Variants in CCDC57 observed in about 807,000 individuals in gnomAD.
The protein encoded by CCDC57 is coiled-coil domain containing 57, also known as coiled-coil domain-containing protein 57.
A neutral mutation model predicts 118.9 loss-of-function variants in CCDC57; 118 were observed. That is an observed-to-expected ratio of 0.99 (90% CI 0.86 to 1.16). The LOEUF is 1.16. CCDC57 is among the 50% of genes most tolerant of loss of function. The pLI, the probability that CCDC57 is intolerant of heterozygous loss-of-function variation, is 0.00. For missense variants in CCDC57, 1,300 were observed against 1,320.7 expected, an observed-to-expected ratio of 0.98 and a Z score of 0.24; for synonymous variants, 527 against 532.9, an observed-to-expected ratio of 0.99 and a Z score of 0.15.
At chr17:82,128,586 A>C (rs1598745997) in exon 18 of CCDC57, 1 of 1,563,398 alleles carries the variant, frequency 6.4e-7, no homozygotes, top group Non-Finnish European at 8.7e-7. Context: ...CATCCTCGGC[A>C]CTCTTGGCGT....
intron 7 of CCDC57, 30 bp downstream of exon 6, chr17:82,193,726 C>T: frequency 6.4e-7 from 1 of 1,564,640 alleles, no homozygotes; most frequent in Non-Finnish European, 8.7e-7. Flanking sequence ...CACTGACATG[C>T]TGCATGATGT....
chr17:82,171,437 C>T (rs1406296227), intron 13 of CCDC57, among the ~76,000 whole-genome samples: 1 of 144,878 alleles, frequency 6.9e-6, no homozygotes, highest in Non-Finnish European at 1.5e-5. Context: ...ACAGGGAACG[C>T]TGACTGCAGT....
intron 19 of CCDC57, among the ~76,000 whole-genome samples, chr17:82,103,070 A>C (rs1026391738): frequency 6.6e-6 from 1 of 152,106 alleles, no homozygotes; most frequent in African/African-American, 2.4e-5. Context: ...GCTGGAGCCC[A>C]GCCTGTGTGG....
chr17:82,199,784 A>T (rs2048777565), intron 3 of CCDC57, among the ~76,000 whole-genome samples: 1 of 152,012 alleles, frequency 6.6e-6, no homozygotes, highest in Admixed American at 6.5e-5. Context: ...CCCTCCCTCC[A>T]CTCAGGGAGA....
exon 5 of CCDC57, chr17:82,195,331 T>C: frequency 6.2e-7 from 1 of 1,600,062 alleles, no homozygotes; most frequent in Non-Finnish European, 8.5e-7. Flanking sequence ...TGCTCCCTCT[T>C]CCGCATTTTC....
intron 16 of CCDC57, among the ~76,000 whole-genome samples, chr17:82,142,077 G>C (rs1329227409): frequency 6.6e-6 from 1 of 152,160 alleles, no homozygotes; most frequent in African/African-American, 2.4e-5. Context: ...ACTGGTTACA[G>C]CATCTGTCCA....
chr17:82,194,380 G>A (rs1227172002), intron 5 of CCDC57: 6 of 374,024 alleles, frequency 1.6e-5, no homozygotes, highest in African/African-American at 8.4e-5. Context: ...GCGTGATCTC[G>A]GCTCACTGCA....
chr17:82,169,363 A>AGGAGTGG, intron 13 of CCDC57, among the ~76,000 whole-genome samples: 1 of 152,192 alleles, frequency 6.6e-6, no homozygotes, highest in Non-Finnish European at 1.5e-5. Flanking sequence ...TCCCGACCTC[A>AGGAGTGG]GGTGATCCAC....
At chr17:82,166,346 CAA>C (rs11077980) in intron 13 of CCDC57, among the ~76,000 whole-genome samples, 300 of 126,372 alleles carry the variant, frequency 2.4e-3, no homozygotes, top group African/African-American at 6.0e-3. Flanking sequence ...CCCATCTCTA[CAA>C]AAAAAAAAAA....
intron 19 of CCDC57, among the ~76,000 whole-genome samples, chr17:82,124,327 A>T (rs1341691539): frequency 2.6e-5 from 4 of 152,130 alleles, no homozygotes; most frequent in African/African-American, 9.7e-5. Context: ...AAAGTGCAGT[A>T]TCTGTGGGGA....
chr17:82,178,782 G>A (rs531214220), intron 10 of CCDC57, among the ~76,000 whole-genome samples, 177 bp from the exon 10 acceptor site: 10 of 152,360 alleles, frequency 6.6e-5, no homozygotes, highest in South Asian at 2.1e-4. Context: ...GCAGGCCAGC[G>A]GGGATCATGC....
chr17:82,146,175 G>C (rs1187063595), intron 16 of CCDC57, among the ~76,000 whole-genome samples: 1 of 152,196 alleles, frequency 6.6e-6, no homozygotes, highest in Non-Finnish European at 1.5e-5. Context: ...AGGCAGAGCA[G>C]GTCCTGCTCA....
chr17:82,177,190 C>T (rs1034614648), intron 11 of CCDC57, among the ~76,000 whole-genome samples: 1 of 151,980 alleles, frequency 6.6e-6, no homozygotes, highest in Non-Finnish European at 1.5e-5. Flanking sequence ...ATCAGCCTAA[C>T]ATGCAGAAAC....
chr17:82,184,027 GCGCGCACACACACACACACACACA>G (rs1476784338), intron 8 of CCDC57, 95 bp from the exon 8 acceptor site: 98 of 328,634 alleles, frequency 3.0e-4, no homozygotes, highest in African/African-American at 8.2e-4. Context: ...GCGCGCGCGC[GCGCGCACACACACACACACACACA>G]CACACACACA....
At position 82,201,898 on chromosome 17, in the gene CCDC57, C is replaced by A. The variant is rs772654790; in HGVS notation, c.47G>T (p.Arg16Leu). 30 of 1,607,980 alleles carry A rather than the reference C, an allele frequency of 1.9e-5. No individual in the cohort carries two copies. Among genetic ancestry groups the A allele is most frequent in the Non-Finnish European group, 2.4e-5 (28 of 1,176,190 alleles). ...CAGCGCCCTCCACTCCTCCTCCTTG[C>A]GAAGCAGCAGCTCATTCAGGGCGGG... The change falls in exon 3 of 20, where the codon CGC (arginine) becomes CTC (leucine). Residue 16 changes from arginine to leucine, a missense_variant. Coordinates refer to ENST00000665763, the Ensembl canonical transcript of CCDC57.
intron 9 of CCDC57, among the ~76,000 whole-genome samples, chr17:82,180,549 T>G (rs1369525827): frequency 6.6e-6 from 1 of 152,166 alleles, no homozygotes; most frequent in Non-Finnish European, 1.5e-5. Flanking sequence ...GATGTTGGCT[T>G]AGTACAGCCT....
intron 13 of CCDC57, among the ~76,000 whole-genome samples, 168 bp downstream of exon 12, chr17:82,171,533 C>T (rs2044735405): frequency 6.6e-6 from 1 of 152,140 alleles, no homozygotes; most frequent in Non-Finnish European, 1.5e-5. Flanking sequence ...AGTGAGGAGC[C>T]AGGGCACGTG....
At chr17:82,126,129 A>G (rs1307347251) in intron 19 of CCDC57, among the ~76,000 whole-genome samples, 1 of 151,960 alleles carries the variant, frequency 6.6e-6, no homozygotes, top group Non-Finnish European at 1.5e-5. Context: ...AAAAATACAA[A>G]ATTAGCCTGG....
chr17:82,163,452 T>C (rs1599056221), intron 13 of CCDC57, 95 bp from the exon 13 acceptor site: 1 of 1,469,770 alleles, frequency 6.8e-7, no homozygotes, highest in Non-Finnish European at 9.2e-7. Flanking sequence ...CCCTTTCCCG[T>C]GAGGCCATGG....
Sources: gnomAD v4.1 joint callset for allele counts (sites outside exome capture counted in the v4.1 genomes callset) on GRCh38, gnomAD v4.1.1 for gene constraint, MANE v1.5 for transcripts, NCBI Gene and HGNC (gene_info 2026-07-23, HGNC 2026-07-21) for gene names.